The following TECPR2 variants were observed in gnomAD, a reference collection of about 807,000 sequenced individuals.
TECPR2 encodes the protein tectonin beta-propeller repeat containing 2, also known as tectonin beta-propeller repeat-containing protein 2.
TECPR2 carries 65 observed loss-of-function variants against 138.1 expected under a neutral mutation model. That is an observed-to-expected ratio of 0.47 (90% CI 0.39 to 0.58). The LOEUF (loss-of-function observed/expected upper bound fraction) is 0.58, where lower values mean the gene tolerates loss of function less well. Ranked by LOEUF, TECPR2 falls within the 20% of genes least tolerant of loss-of-function variation. TECPR2 has a pLI of 0.00. For synonymous variants in TECPR2, 746 were observed against 749.8 expected (o/e 0.99, Z 0.08); for missense variants, 1,553 against 1,824.5 (o/e 0.85, Z 2.71).
intron 5 of TECPR2, among the ~76,000 whole-genome samples, chr14:102,418,882 G>C (rs1036601337): frequency 6.6e-6 from 1 of 152,182 alleles, no homozygotes; most frequent in Non-Finnish European, 1.5e-5. Flanking sequence ...TGATTCCTAG[G>C]TCTGTGGTCT....
chr14:102,401,439 C>CAAAAAAA (rs35011003), intron 2 of TECPR2, among the ~76,000 whole-genome samples: 2 of 57,060 alleles, frequency 3.5e-5, no homozygotes, highest in East Asian at 5.4e-4. Context: ...AACTCCATCT[C>CAAAAAAA]AAAAAAAAAA....
At position 102,376,852 on chromosome 14, in the gene TECPR2, A is replaced by C; in HGVS notation, c.131A>C (p.Asn44Thr). ...GTCTATCTCACGGCCCTCGACACCAACGGGGACTACATCGCGGTGGGCAGC... is the reference window on the plus strand; with the variant it reads ...GTCTATCTCACGGCCCTCGACACCACCGGGGACTACATCGCGGTGGGCAGC... ...IVVYLTALDT[N>T]GDYIAVGSSI... The change falls in exon 2 of 20, where the codon AAC (asparagine) becomes ACC (threonine). Residue 44 changes from asparagine (N) to threonine (T), a missense_variant. Physicochemically the swap from Asn to Thr is moderately conservative, Grantham distance 65 (BLOSUM62 0). Transcript: ENST00000359520. 1 of 1,614,100 alleles carries C rather than the reference A, an allele frequency of 6.2e-7. No individual in the cohort carries two copies. Among genetic ancestry groups the C allele is most frequent in the Non-Finnish European group, 8.5e-7 (1 of 1,180,012 alleles).
At chr14:102,412,523 A>G (rs1308119037) in intron 4 of TECPR2, among the ~76,000 whole-genome samples, 1 of 152,196 alleles carries the variant, frequency 6.6e-6, no homozygotes, top group Admixed American at 6.5e-5. Context: ...AATCATGTCA[A>G]GTTCACAGGG....
At chr14:102,435,878 T>C (rs767931052) in intron 9 of TECPR2, among the ~76,000 whole-genome samples, 4 of 152,198 alleles carry the variant, frequency 2.6e-5, no homozygotes, top group Non-Finnish European at 5.9e-5. Flanking sequence ...CAAGTAATTA[T>C]TACTAGATAT....
rs765658697 is a variant in TECPR2, at chr14:102,376,892, C to A, written c.171C>A (p.Leu57=). Reference sequence around the variant, plus strand: ...CGGTGGGCAGCAGCATCGGCATGCTCTATCTGTACTGCCGGCACCTCAACC... The same window carrying A: ...CGGTGGGCAGCAGCATCGGCATGCTATATCTGTACTGCCGGCACCTCAACC... ...YIAVGSSIGM[L]YLYCRHLNQM... is the part of the protein sequence containing the mutation. The change falls in exon 2 of 20, where the codon CTC becomes CTA. Residue 57 remains leucine, a synonymous_variant. Transcript: ENST00000359520. The A allele has an allele frequency of 1.2e-6, 2 of 1,614,054 alleles. No homozygotes were observed. The highest frequency in any genetic ancestry group is 2.7e-5 in the African/African-American group (2 of 74,924).
Position 102,381,517 on chromosome 14 carries a change from T to G in TECPR2, c.219+4577T>G, listed in dbSNP as rs559600744. Among the ~76,000 whole-genome samples, 488 of 152,344 alleles carry G rather than the reference T, an allele frequency of 3.2e-3. 4 individuals carry two copies. The highest frequency in any genetic ancestry group is 0.011 in the African/African-American group (476 of 41,588). ...TGAATCTGGGAGGCAGAGGCTGCAG[T>G]AAGCTAAGATCGTGCCAGTGCACTC... On this transcript the variant is annotated intron_variant, in intron 2 of 19. Coordinates refer to ENST00000359520, the MANE Select transcript of TECPR2 (RefSeq NM_014844.5).
In TECPR2 at chr14:102,428,222, G is replaced by GTTTTTTTTTTTT. The variant is rs565236204; in HGVS notation, c.952-17_952-6dup. 2.9e-4 allele frequency: 302 copies of GTTTTTTTTTTTT among 1,058,564 alleles called. 13 individuals are homozygous for GTTTTTTTTTTTT. The highest frequency in any genetic ancestry group is 1.3e-3 in the South Asian group (67 of 51,638). 65.6% of individuals were successfully genotyped at this position (1,058,564 alleles called of 1,614,324 possible). On this transcript the variant is annotated intron_variant, in intron 6 of 19. Coordinates refer to ENST00000359520, the MANE Select transcript of TECPR2 (RefSeq NM_014844.5). ...ACCGTTGTTTAGTTTTGTGTTTTTT[G>GTTTTTTTTTTTT]TTTTTTTTTTTTTTTTTTTTTTGAC...
intron 17 of TECPR2, among the ~76,000 whole-genome samples, chr14:102,466,618 C>A (rs182033069): frequency 6.6e-6 from 1 of 152,176 alleles, no homozygotes; most frequent in African/African-American, 2.4e-5. Flanking sequence ...ACTGTCAATA[C>A]GTTCCTTTTT....
chr14:102,435,311 A>G (rs1479354117), intron 9 of TECPR2, 100 bp downstream of exon 9: 7 of 1,469,550 alleles, frequency 4.8e-6, no homozygotes, highest in East Asian at 2.3e-5. Context: ...AAGAAATTCT[A>G]TTCCTACTGC....
Position 102,431,984 on chromosome 14 carries a change from C to T in TECPR2, c.1273C>T (p.Pro425Ser). 1 of 1,612,964 alleles carries T rather than the reference C, an allele frequency of 6.2e-7. No homozygotes were observed. Among genetic ancestry groups the T allele is most frequent in the South Asian group, 1.1e-5 (1 of 91,074 alleles). Residue 425 changes from proline (P) to serine (S), a missense_variant, in exon 8 of 20, where the codon CCT becomes TCT. Coordinates refer to ENST00000359520, the MANE Select transcript of TECPR2 (RefSeq NM_014844.5). Reference sequence around the variant, plus strand: ...CGACAGCGGCTCCGGGCTCCTGCCCCCTGGGCTCCAGGCCACCCCTGAGCT... The same window carrying T: ...CGACAGCGGCTCCGGGCTCCTGCCCTCTGGGCTCCAGGCCACCCCTGAGCT... ...STDSGSGLLP[P>S]GLQATPELGK...
Position 102,440,597 on chromosome 14 carries a change from T to A in TECPR2, c.2740T>A (p.Tyr914Asn). The A allele has an allele frequency of 6.2e-7, 1 of 1,613,780 alleles. No homozygotes were observed. The highest frequency in any genetic ancestry group is 8.5e-7 in the Non-Finnish European group (1 of 1,179,854). The change falls in exon 11 of 20, where the codon TAC becomes AAC. Residue 914 changes from tyrosine to asparagine, a missense_variant. Transcript: ENST00000359520. ...GATCATCAGGACCAGTGGGGACCTA[T>A]ACTTGCAGACAGGTAACCGCGGGCC... ...AWIIRTSGDLYLQTGLSVDRP... is the reference protein window; with the variant it reads ...AWIIRTSGDLNLQTGLSVDRP...
At chr14:102,378,623 A>AAT (rs962879774) in intron 2 of TECPR2, among the ~76,000 whole-genome samples, 409 of 151,348 alleles carry the variant, frequency 2.7e-3, no homozygotes, top group African/African-American at 9.2e-3. Context: ...GGTCTGTATT[A>AAT]ATATATATAT....
At chr14:102,448,194 A>G (rs1456740930) in intron 13 of TECPR2, among the ~76,000 whole-genome samples, 3 of 150,938 alleles carry the variant, frequency 2.0e-5, no homozygotes, top group African/African-American at 7.3e-5. Context: ...TCCTGACCTC[A>G]AGTAATCCAC....
At chr14:102,440,410 A>C (rs1398683025) in intron 10 of TECPR2, 26 bp from the exon 11 acceptor site, 5 of 1,611,684 alleles carry the variant, frequency 3.1e-6, no homozygotes, top group Non-Finnish European at 3.4e-6. Context: ...TTTATTGGAC[A>C]GTGAATAGAA....
At chr14:102,442,738 C>G (rs764578763) in intron 11 of TECPR2, among the ~76,000 whole-genome samples, 25 of 152,162 alleles carry the variant, frequency 1.6e-4, no homozygotes, top group Non-Finnish European at 2.5e-4. Context: ...AAATATCACC[C>G]AAGGACTGCA....
intron 4 of TECPR2, among the ~76,000 whole-genome samples, 184 bp from the exon 5 acceptor site, chr14:102,414,452 C>T (rs770768595): frequency 2.1e-4 from 32 of 152,202 alleles, no homozygotes; most frequent in Non-Finnish European, 3.1e-4. Flanking sequence ...GGACTCTTTT[C>T]CCATCCGTCA....
intron 2 of TECPR2, among the ~76,000 whole-genome samples, chr14:102,402,654 G>T (rs75729268): frequency 6.6e-6 from 1 of 151,972 alleles, no homozygotes; most frequent in Non-Finnish European, 1.5e-5. Context: ...TAGCCAGATG[G>T]ATCAAGAAGA....
Position 102,431,499 on chromosome 14 carries a change from T to C in TECPR2, c.1085-297T>C, listed in dbSNP as rs137917940. 0.046 allele frequency among the ~76,000 whole-genome samples: 7,028 copies of C among 152,020 alleles called. 187 individuals carry two copies. The highest frequency in any genetic ancestry group is 0.089 in the Middle Eastern group (26 of 292). On this transcript the variant is annotated intron_variant, in intron 7 of 19. Coordinates refer to ENST00000359520, the MANE Select transcript of TECPR2 (RefSeq NM_014844.5). The stretch of plus-strand genomic sequence containing the variant: ...CTGGGACCCCCGGCGCCCGCCACCA[T>C]GCCCGGCTAATTTTTTGTATTTTTA...
At chr14:102,411,173 C>T (rs1325035536) in intron 4 of TECPR2, among the ~76,000 whole-genome samples, 1 of 152,268 alleles carries the variant, frequency 6.6e-6, no homozygotes, top group African/African-American at 2.4e-5. Context: ...CTGCTTGAAG[C>T]AGCCCTGAGA....
Sources: gnomAD v4.1 joint callset for allele counts (sites outside exome capture counted in the v4.1 genomes callset) on GRCh38, gnomAD v4.1.1 for gene constraint, MANE v1.5 for transcripts, NCBI Gene and HGNC (gene_info 2026-07-23, HGNC 2026-07-21) for gene names.